The following SHLD2 variants were observed in gnomAD, a reference collection of about 807,000 sequenced individuals.
The protein encoded by SHLD2 is RINN1-REV7-interacting novel NHEJ regulator 2.
In SHLD2, 30 loss-of-function variants were observed where a neutral mutation model predicts 73.2. The observed-to-expected ratio is 0.41, with a 90% CI of 0.31 to 0.56. The LOEUF (loss-of-function observed/expected upper bound fraction) is 0.56, where lower values mean the gene tolerates loss of function less well. Among genes scored for constraint, SHLD2 ranks in the 20% least tolerant of loss-of-function variants. The pLI is 0.28. For synonymous variants in SHLD2, 285 were observed against 370.1 expected, an observed-to-expected ratio of 0.77 and a Z score of 2.64; for missense variants, 745 against 1,055.9, an observed-to-expected ratio of 0.71 and a Z score of 4.08.
At chr10:87,096,228 A>G (rs1465110373) in intron 1 of SHLD2, among the ~76,000 whole-genome samples, 1 of 151,902 alleles carries the variant, frequency 6.6e-6, no homozygotes, top group Non-Finnish European at 1.5e-5. Flanking sequence ...CATTTTTAGT[A>G]GAGACGGGGT....
In SHLD2 at chr10:87,152,006, G is replaced by A. The variant is rs3129517; in HGVS notation, c.652G>A (p.Ala218Thr). The A allele has an allele frequency of 4.3e-6, 7 of 1,611,728 alleles. No individual in the cohort carries two copies. Among genetic ancestry groups the A allele is most frequent in the African/African-American group, 2.7e-5 (2 of 74,810 alleles). Residue 218 changes from alanine to threonine, a missense_variant, in exon 3 of 10, where the codon GCA becomes ACA. Coordinates refer to ENST00000298786, the MANE Select transcript of SHLD2 (RefSeq NM_001330112.2). ...NQCLGLFSSNAVDKSRSEAAV... is the reference protein window; with the variant it reads ...NQCLGLFSSNTVDKSRSEAAV... The stretch of plus-strand genomic sequence containing the variant: ...GTGTTTGGGATTATTTTCCTCGAAC[G>A]CAGTAGATAAGTCAAGGTCTGAAGC...
rs1842514540 is a variant in SHLD2 at position 87,105,039 on chromosome 10, T to C, written c.-6+8050T>C. Among the ~76,000 whole-genome samples the C allele has an allele frequency of 2.0e-5, 3 of 152,330 alleles. 1 individual carries two copies. The South Asian group carries it at 6.2e-4, about 32-fold the overall frequency. The stretch of plus-strand genomic sequence containing the variant: ...TATTTTAAAATAGAGGTCAGGTTTT[T>C]TGTTTTCTTTATATATAAAGTATGG... On this transcript the variant is annotated intron_variant, in intron 2 of 9. Transcript: ENST00000298786.
At chr10:87,133,927 A>G (rs1475756553) in intron 2 of SHLD2, among the ~76,000 whole-genome samples, 1 of 152,256 alleles carries the variant, frequency 6.6e-6, no homozygotes, top group African/African-American at 2.4e-5. Flanking sequence ...ACTGACAAAT[A>G]AGAAAAATAA....
chr10:87,134,550 A>T (rs1206575457), intron 2 of SHLD2, among the ~76,000 whole-genome samples: 1 of 152,118 alleles, frequency 6.6e-6, no homozygotes, highest in African/African-American at 2.4e-5. Flanking sequence ...ACAGATGTTC[A>T]CTGAATGTTC....
intron 8 of SHLD2, among the ~76,000 whole-genome samples, chr10:87,181,694 C>T (rs1276117624): frequency 6.6e-6 from 1 of 151,748 alleles, no homozygotes; most frequent in Admixed American, 6.6e-5. Context: ...AGATGTAGTG[C>T]TAGTTTGTTG....
At chr10:87,188,298 A>G (rs1848754354) in intron 9 of SHLD2, among the ~76,000 whole-genome samples, 2 of 152,048 alleles carry the variant, frequency 1.3e-5, no homozygotes, top group Non-Finnish European at 2.9e-5. Flanking sequence ...GGGACCACTA[A>G]TGGTCTTGAC....
chr10:87,130,563 T>C (rs956173698), intron 2 of SHLD2, among the ~76,000 whole-genome samples: 1 of 152,064 alleles, frequency 6.6e-6, no homozygotes, highest in Admixed American at 6.6e-5. Context: ...ATTGAGCGTT[T>C]CCTAAGGAGC....
rs555909137 is a variant in SHLD2, at chr10:87,167,114, A to T, written c.1634-3364A>T. 5.9e-5 allele frequency among the ~76,000 whole-genome samples: 9 copies of T among 152,236 alleles called. 1 individual carries two copies. The East Asian group carries it at 1.7e-3, about 29-fold the overall frequency. ...GCAAATGCTTTGCAAGAGATTTGGG[A>T]AATGTAGATATCTCTGGTTTTAAGG... On this transcript the variant is annotated intron_variant, in intron 4 of 9. Transcript: ENST00000298786.
At chr10:87,158,410 CT>C (rs1846587094) in intron 4 of SHLD2, among the ~76,000 whole-genome samples, 1 of 152,084 alleles carries the variant, frequency 6.6e-6, no homozygotes, top group African/African-American at 2.4e-5. Flanking sequence ...GGTTCTTCAC[CT>C]TTTAGGGAGT....
At position 87,190,527 on chromosome 10, in the gene SHLD2, G is replaced by A. The variant is rs1849002987; in HGVS notation, c.2559G>A (p.Leu853=). The A allele has an allele frequency of 1.2e-6, 2 of 1,611,872 alleles. No individual in the cohort carries two copies. Among genetic ancestry groups the A allele is most frequent in the African/African-American group, 1.3e-5 (1 of 74,838 alleles). ...CCTATGGGATGGTCGTGGCAGACCT[G>A]TTCCACTCCTTGTTGGCAGTCAGCG... ...EITYGMVVAD[L]FHSLLAVSAE... is the part of the protein sequence containing the mutation. The change falls in exon 10 of 10, where the codon CTG becomes CTA. Residue 853 remains leucine (L), a synonymous_variant. Coordinates refer to ENST00000298786, the MANE Select transcript of SHLD2 (RefSeq NM_001330112.2).
At chr10:87,096,581 T>TA (rs1338515261) in intron 1 of SHLD2, among the ~76,000 whole-genome samples, 1 of 151,546 alleles carries the variant, frequency 6.6e-6, no homozygotes, top group Non-Finnish European at 1.5e-5. Flanking sequence ...AAAAAGAAAA[T>TA]AAAAAATAAA....
rs1032484860 is a variant in SHLD2 at position 87,170,910 on chromosome 10, A to G, written c.1899A>G (p.Gln633=). ...TAACAGTGGAACAGGCCCAAGATCA[A>G]CATTATGCGCTTGTATTATGGGGTC... is the stretch of plus-strand genomic sequence containing the variant. ...VMLTVEQAQD[Q]HYALVLWGPG... The change falls in exon 6 of 10, where the codon CAA becomes CAG. Residue 633 remains glutamine (Q), a synonymous_variant. Transcript: ENST00000298786. 3.7e-6 allele frequency: 6 copies of G among 1,607,942 alleles called. No individual in the cohort carries two copies. In the African/African-American group the frequency reaches 6.7e-5, roughly 18 times the overall value.
At chr10:87,162,209 G>C (rs1332489486) in intron 4 of SHLD2, among the ~76,000 whole-genome samples, 2 of 148,872 alleles carry the variant, frequency 1.3e-5, no homozygotes, top group African/African-American at 2.5e-5. Flanking sequence ...GTAGGGAAAG[G>C]CTTTTTCTTA....
At chr10:87,103,560 A>G (rs944695409) in intron 2 of SHLD2, among the ~76,000 whole-genome samples, 6 of 152,190 alleles carry the variant, frequency 3.9e-5, no homozygotes, top group African/African-American at 1.4e-4. Flanking sequence ...TTTTGTGCCA[A>G]AGTTTTCAGG....
At chr10:87,140,405 G>T (rs1276792301) in intron 2 of SHLD2, among the ~76,000 whole-genome samples, 2 of 141,230 alleles carry the variant, frequency 1.4e-5, no homozygotes, top group South Asian at 4.6e-4. Flanking sequence ...GGGCAACAGA[G>T]TGAGAACCTA....
chr10:87,102,391 G>A (rs549735897), intron 2 of SHLD2, among the ~76,000 whole-genome samples: 1 of 152,200 alleles, frequency 6.6e-6, no homozygotes, highest in South Asian at 2.1e-4. Flanking sequence ...AGACTACAAG[G>A]GTGAACCATC....
chr10:87,107,513 G>C (rs1197792019), intron 2 of SHLD2, among the ~76,000 whole-genome samples: 1 of 152,222 alleles, frequency 6.6e-6, no homozygotes, highest in Non-Finnish European at 1.5e-5. Flanking sequence ...GCCTTGAAAA[G>C]AAGAAACATT....
chr10:87,170,603 T>C lies in SHLD2; in HGVS notation c.1759T>C (p.Leu587=). 6.2e-7 allele frequency: 1 copy of C among 1,613,692 alleles called. No homozygotes were observed. The highest frequency in any genetic ancestry group is 8.5e-7 in the Non-Finnish European group (1 of 1,179,794). The part of the protein sequence containing the change: ...QRVNSIDFVE[L]EHLQPDVLVH... Reference sequence around the variant, plus strand: ...GGTGAACAGTATAGACTTTGTAGAATTGGAGCACCTTCAACCTGATGTATT... The same window carrying C: ...GGTGAACAGTATAGACTTTGTAGAACTGGAGCACCTTCAACCTGATGTATT... Residue 587 remains leucine, a synonymous_variant, in exon 5 of 10, where the codon TTG becomes CTG. Transcript: ENST00000298786.
intron 2 of SHLD2, among the ~76,000 whole-genome samples, chr10:87,133,349 G>A (rs1203876682): frequency 3.9e-5 from 6 of 151,946 alleles, no homozygotes; most frequent in Non-Finnish European, 5.9e-5. Flanking sequence ...ACGATTTACT[G>A]TATCACTTCT....
Sources: gnomAD v4.1 joint callset for allele counts (sites outside exome capture counted in the v4.1 genomes callset) on GRCh38, gnomAD v4.1.1 for gene constraint, MANE v1.5 for transcripts, NCBI Gene and HGNC (gene_info 2026-07-23, HGNC 2026-07-21) for gene names.